KCP: variants seen among roughly 807,000 people sequenced by gnomAD.
KCP encodes the protein kielin/chordin-like protein.
A neutral mutation model predicts 212.7 loss-of-function variants in KCP; 194 were observed. The ratio of observed to expected loss-of-function variants is 0.91; its 90% CI spans 0.81 to 1.03. KCP has a LOEUF of 1.03. Among genes scored for constraint, KCP ranks in the 50% least tolerant of loss-of-function variants. The pLI, the probability that KCP is intolerant of heterozygous loss-of-function variation, is 0.00. For synonymous variants in KCP, 833 were observed against 865.3 expected, an observed-to-expected ratio of 0.96 and a Z score of 0.65; for missense variants, 2,080 against 2,162.5, an observed-to-expected ratio of 0.96 and a Z score of 0.76.
chr7:128,893,854 AG>A lies in KCP; in HGVS notation c.1050del (p.Cys351AlafsTer163). 1 of 1,551,386 alleles carries A rather than the reference AG, an allele frequency of 6.4e-7. No homozygotes were observed. Among genetic ancestry groups the A allele is most frequent in the Non-Finnish European group, 8.7e-7 (1 of 1,146,990 alleles). On this transcript the variant is annotated frameshift_variant, in exon 11 of 40. Transcript: ENST00000610776. LOFTEE classifies it high-confidence loss of function. ...CCAGGGATCTTGCCTGGGTGTCTGC[AG>A]GGCACTGGCGGGCAGGGCAGAGGCT... is the stretch of plus-strand genomic sequence containing the variant. Reference protein sequence around the residue: ...QCEPLPCPPVPCRHPGKIPGQ... With the variant: ...QCEPLPCPPVXCRHPGKIPGQ...
At position 128,877,569 on chromosome 7, in the gene KCP, G is replaced by T; in HGVS notation, c.4533C>A (p.Ala1511=). Residue 1511 remains alanine (A), a synonymous_variant, in exon 39 of 40, where the codon GCC becomes GCA. Transcript: ENST00000610776. ...AGGCTTCCAGGGCATCACAGAGGCA[G>T]GCATCAGCGGAGGAGCCAGGGCCAC... ...CACGPGSSAD[A]CLCDALEAYA... The T allele has an allele frequency of 6.4e-7, 1 of 1,551,576 alleles. No homozygotes were observed. The highest frequency in any genetic ancestry group is 8.7e-7 in the Non-Finnish European group (1 of 1,146,990).
At chr7:128,889,592 T>C (rs962917998) in intron 21 of KCP, among the ~76,000 whole-genome samples, 3 of 152,244 alleles carry the variant, frequency 2.0e-5, no homozygotes, top group Non-Finnish European at 2.9e-5. Flanking sequence ...TTTAACAACA[T>C]TATAATTTTA....
chr7:128,882,143 C>T (rs1465832028), intron 29 of KCP, 127 bp from the exon 30 acceptor site: 1 of 645,380 alleles, frequency 1.5e-6, no homozygotes. Context: ...TATCCCAGCA[C>T]CTTGACTCCA....
At chr7:128,889,920 CTTTTTTT>C (rs35633844) in intron 21 of KCP, 87 of 99,588 alleles carry the variant, frequency 8.7e-4, no homozygotes, top group African/African-American at 3.0e-3. Flanking sequence ...TAGTGTCAGG[CTTTTTTT>C]TTTTTTTTTT....
intron 1 of KCP, 143 bp from the exon 2 acceptor site, chr7:128,908,711 G>T: frequency 2.2e-6 from 2 of 900,876 alleles, no homozygotes; most frequent in African/African-American, 1.7e-5. Context: ...ACCATCCAGG[G>T]CCGGGAAGCC....
intron 6 of KCP, 54 bp from the exon 7 acceptor site, chr7:128,903,874 G>A (rs1194120079): frequency 7.5e-7 from 1 of 1,340,270 alleles, no homozygotes; most frequent in African/African-American, 1.5e-5. Flanking sequence ...CAGAGGGCTG[G>A]GTGGGCGGGT....
chr7:128,907,193 T>C lies in KCP; in HGVS notation c.410-16A>G. 6.5e-7 allele frequency: 1 copy of C among 1,549,630 alleles called. No homozygotes were observed. Among genetic ancestry groups the C allele is most frequent in the Non-Finnish European group, 8.7e-7 (1 of 1,145,444 alleles). On this transcript the variant is annotated splice_polypyrimidine_tract_variant and intron_variant, in intron 3 of 39. Coordinates refer to ENST00000610776, the MANE Select transcript of KCP (RefSeq NM_001366122.1). ...TGGCTGCAGCCTAAGGAGACAGCAG[T>C]GTCACTCAAGCACCCCATGCCATCT...
In KCP at chr7:128,893,589, C is replaced by T; in HGVS notation, c.1100-113G>A. ...GACAAAGAAGACCCAGCCGAGTTCT[C>T]CAGGGCGCCCTGCCAGCAGCCCCCT... On this transcript the variant is annotated intron_variant, in intron 11 of 39. Coordinates refer to ENST00000610776, the MANE Select transcript of KCP (RefSeq NM_001366122.1). 29 of 1,001,524 alleles carry T rather than the reference C, an allele frequency of 2.9e-5. No homozygotes were observed. The South Asian group carries it at 4.2e-4, about 15-fold the overall frequency. 62.0% of individuals were successfully genotyped at this position (1,001,524 alleles called of 1,614,324 possible).
At position 128,891,178 on chromosome 7, in the gene KCP, C is replaced by T. The variant is rs1488937496; in HGVS notation, c.1972+7G>A. Reference sequence around the variant, plus strand: ...AGGGAGGAGCAGCCGAGGGGTGCGGCCCCTACCTGGGCACTGCGGGCAGCA... The same window carrying T: ...AGGGAGGAGCAGCCGAGGGGTGCGGTCCCTACCTGGGCACTGCGGGCAGCA... On this transcript the variant is annotated splice_region_variant and intron_variant, in intron 19 of 39. Coordinates refer to ENST00000610776, the MANE Select transcript of KCP (RefSeq NM_001366122.1). 6.5e-7 allele frequency: 1 copy of T among 1,542,170 alleles called. No individual in the cohort carries two copies. Among genetic ancestry groups the T allele is most frequent in the Non-Finnish European group, 8.7e-7 (1 of 1,146,420 alleles).
At chr7:128,877,407 C>T in intron 39 of KCP, 77 bp downstream of exon 39, 1 of 1,531,370 alleles carries the variant, frequency 6.5e-7, no homozygotes, top group Admixed American at 2.0e-5. Context: ...CGGCCTGGTC[C>T]TGCCCTGAGC....
At position 128,903,808 on chromosome 7, in the gene KCP, G is replaced by A. The variant is rs975265651; in HGVS notation, c.667C>T (p.Arg223Cys). ...LQCTCLRSRVRCMALKCPPSP... is the reference protein window; with the variant it reads ...LQCTCLRSRVCCMALKCPPSP... Reference sequence around the variant, plus strand: ...GGCGGGCACTTCAGGGCCATGCAGCGAACTCGGCTCCTCTGTAATGCACCA... The same window carrying A: ...GGCGGGCACTTCAGGGCCATGCAGCAAACTCGGCTCCTCTGTAATGCACCA... The change falls in exon 7 of 40, where the codon CGC (arginine) becomes TGC (cysteine). Residue 223 changes from arginine (R) to cysteine (C), a missense_variant. By Grantham distance (180) the Arg-to-Cys change is radical. Transcript: ENST00000610776. 1.6e-5 allele frequency: 22 copies of A among 1,398,672 alleles called. 2 individuals carry two copies. The South Asian group carries it at 1.6e-4, about 10-fold the overall frequency. 86.6% of individuals were successfully genotyped at this position (1,398,672 alleles called of 1,614,324 possible). A position where few individuals can be genotyped will look rare whatever the true frequency, so the allele number is the denominator to read the frequency against.
intron 23 of KCP, 112 bp from the exon 24 acceptor site, chr7:128,887,078 G>A (rs1355180318): frequency 4.8e-6 from 5 of 1,045,744 alleles, no homozygotes; most frequent in Non-Finnish European, 7.3e-6. Flanking sequence ...CGGGACACCT[G>A]AGCCCAGTCC....
In KCP at chr7:128,887,634, CACAT is replaced by C. The variant is rs562961210; in HGVS notation, c.2513-338_2513-335del. Among the ~76,000 whole-genome samples, 776 of 150,332 alleles carry C rather than the reference CACAT, an allele frequency of 5.2e-3. 1 individual carries two copies. Among genetic ancestry groups the C allele is most frequent in the Middle Eastern group, 0.018 (5 of 278 alleles). On this transcript the variant is annotated intron_variant, in intron 22 of 39. Coordinates refer to ENST00000610776, the MANE Select transcript of KCP (RefSeq NM_001366122.1). ...ACACCCCCCCACACACAGCCACACA[CACAT>C]ACATACACAACCACACCCACATATA...
intron 8 of KCP, among the ~76,000 whole-genome samples, chr7:128,901,892 A>G (rs1794869534): frequency 6.6e-6 from 1 of 152,008 alleles, no homozygotes; most frequent in South Asian, 2.1e-4. Context: ...CCCCCAGGCT[A>G]TTCCTTATAT....
chr7:128,888,652 C>CCA (rs1041678636), intron 22 of KCP, among the ~76,000 whole-genome samples: 3 of 148,712 alleles, frequency 2.0e-5, no homozygotes, highest in African/African-American at 7.4e-5. Context: ...ACATACACAG[C>CCA]CACACACACA....
In KCP at chr7:128,880,868, C is replaced by T. The variant is rs143297709; in HGVS notation, c.3513+129G>A. On this transcript the variant is annotated intron_variant, in intron 32 of 39. Transcript: ENST00000610776. Reference sequence around the variant, plus strand: ...CAAGAGGGGAATGAAATCCAGCCTTCGGCTCCATGCCCCGGTGCAGGGATG... The same window carrying T: ...CAAGAGGGGAATGAAATCCAGCCTTTGGCTCCATGCCCCGGTGCAGGGATG... 1,629 of 399,792 alleles carry T rather than the reference C, an allele frequency of 4.1e-3. 7 individuals are homozygous for T. The highest frequency in any genetic ancestry group is 0.011 in the African/African-American group (553 of 48,778). The allele number at this position is 399,792 out of a possible 1,614,324, so 24.8% of individuals were successfully genotyped here.
At chr7:128,905,135 C>T (rs1346002004) in intron 5 of KCP, among the ~76,000 whole-genome samples, 1 of 151,994 alleles carries the variant, frequency 6.6e-6, no homozygotes, top group African/African-American at 2.4e-5. Context: ...GAGTCCTTGT[C>T]CCACCTTTCT....
In KCP at chr7:128,903,778, G is replaced by A; in HGVS notation, c.697C>T (p.Pro233Ser). The A allele has an allele frequency of 1.9e-6, 3 of 1,551,438 alleles. No homozygotes were observed. Among genetic ancestry groups the A allele is most frequent in the Non-Finnish European group, 2.6e-6 (3 of 1,146,922 alleles). ...GGCCTCAGCACTGGCTCTGGGCAGG[G>A]GCTAGGCGGGCACTTCAGGGCCATG... ...RCMALKCPPS[P>S]CPEPVLRPGH... The change falls in exon 7 of 40, where the codon CCC (proline) becomes TCC (serine). Residue 233 changes from proline (P) to serine (S), a missense_variant. Transcript: ENST00000610776.
chr7:128,885,986 G>A (rs1314780752), intron 26 of KCP, among the ~76,000 whole-genome samples: 2 of 152,314 alleles, frequency 1.3e-5, no homozygotes, highest in East Asian at 3.9e-4. Flanking sequence ...CCTGCTCACT[G>A]AATGTCAGGT....
Sources: allele counts gnomAD v4.1 joint callset (sites outside exome capture counted in the v4.1 genomes callset), GRCh38; gene constraint gnomAD v4.1.1; transcripts MANE v1.5; gene names NCBI Gene and HGNC (gene_info 2026-07-23, HGNC 2026-07-21).